GRID2: variants seen among roughly 807,000 people sequenced by gnomAD.
GRID2 encodes glutamate receptor ionotropic, delta-2.
GRID2 carries 33 observed loss-of-function variants against 114.8 expected under a neutral mutation model. That is an observed-to-expected ratio of 0.29 (90% CI 0.22 to 0.38). The LOEUF is 0.38. Ranked by LOEUF, GRID2 falls within the 10% of genes least tolerant of loss-of-function variation. The probability of loss-of-function intolerance (pLI) is 1.00; values close to 1 mark genes in which losing one functional copy is unlikely to be tolerated. For missense variants in GRID2, 1,184 were observed against 1,257.7 expected (o/e 0.94, Z 0.89); for synonymous variants, 505 against 449.9 (o/e 1.12, Z -1.55).
At chr4:93,268,163 G>A (rs1579487839) in intron 8 of GRID2, among the ~76,000 whole-genome samples, 1 of 151,994 alleles carries the variant, frequency 6.6e-6, no homozygotes, top group African/African-American at 2.4e-5. Flanking sequence ...TTCCTTCTTG[G>A]ATAAAAGTTC....
chr4:92,763,888 A>G (rs1035015778), intron 2 of GRID2, among the ~76,000 whole-genome samples: 8 of 152,186 alleles, frequency 5.3e-5, no homozygotes, highest in Admixed American at 1.3e-4. Context: ...CTAAACAAAG[A>G]ACAGATATAA....
At chr4:92,798,793 T>A (rs1268702403) in intron 2 of GRID2, among the ~76,000 whole-genome samples, 1 of 152,014 alleles carries the variant, frequency 6.6e-6, no homozygotes, top group East Asian at 1.9e-4. Context: ...TCTTTTGTAC[T>A]TTTTTTATAA....
chr4:92,654,529 A>C (rs77889319), intron 2 of GRID2, among the ~76,000 whole-genome samples: 4,248 of 152,086 alleles, frequency 0.028, 212 homozygotes, highest in African/African-American at 0.096. Context: ...AGCCAATTTG[A>C]GTCAATAAGA....
At chr4:93,542,688 G>C (rs995230464) in intron 13 of GRID2, among the ~76,000 whole-genome samples, 1 of 152,138 alleles carries the variant, frequency 6.6e-6, no homozygotes, top group Non-Finnish European at 1.5e-5. Context: ...CCTGAGAAGA[G>C]GTGGGTCTGG....
intron 13 of GRID2, among the ~76,000 whole-genome samples, chr4:93,607,728 T>A (rs1318686531): frequency 6.6e-6 from 1 of 152,154 alleles, no homozygotes; most frequent in Non-Finnish European, 1.5e-5. Flanking sequence ...TTAATAGATA[T>A]AAAGCAGTAT....
At chr4:93,442,952 T>C (rs1721757819) in intron 10 of GRID2, among the ~76,000 whole-genome samples, 1 of 152,038 alleles carries the variant, frequency 6.6e-6, no homozygotes, top group Admixed American at 6.6e-5. Context: ...AACCTTTGAG[T>C]TGTCCTTGAA....
At chr4:92,824,725 A>G (rs1378681176) in intron 2 of GRID2, among the ~76,000 whole-genome samples, 2 of 152,088 alleles carry the variant, frequency 1.3e-5, no homozygotes, top group Non-Finnish European at 2.9e-5. Context: ...CTACTCATAA[A>G]CTACTGTATA....
chr4:93,030,138 G>A (rs941734370), intron 2 of GRID2, among the ~76,000 whole-genome samples: 1 of 152,090 alleles, frequency 6.6e-6, no homozygotes, highest in African/African-American at 2.4e-5. Context: ...TTTAAGCTGT[G>A]CCCCAGTGGT....
At chr4:92,444,564 T>C (rs571599384) in intron 1 of GRID2, among the ~76,000 whole-genome samples, 2 of 152,182 alleles carry the variant, frequency 1.3e-5, no homozygotes, top group African/African-American at 4.8e-5. Context: ...TTCACTTCTT[T>C]TGTGATTCTT....
rs188146180 is a variant in GRID2 at position 92,489,631 on chromosome 4, G to A, written c.89-100500G>A. On this transcript the variant is annotated intron_variant, in intron 1 of 15. Coordinates refer to ENST00000282020, the MANE Select transcript of GRID2 (RefSeq NM_001510.4). ...GAGGCCAAGGCGGGTGGATCACCTGGGGTCAGGAGTTCAAGACCAGCCTGG... is the reference window on the plus strand; with the variant it reads ...GAGGCCAAGGCGGGTGGATCACCTGAGGTCAGGAGTTCAAGACCAGCCTGG... Among the ~76,000 whole-genome samples the A allele has an allele frequency of 4.9e-4, 75 of 151,966 alleles. No individual in the cohort carries two copies. In the East Asian group the frequency reaches 0.013, roughly 26 times the overall value.
intron 1 of GRID2, among the ~76,000 whole-genome samples, chr4:92,379,600 T>G (rs187046449): frequency 7.5e-4 from 114 of 152,108 alleles, no homozygotes; most frequent in Admixed American, 2.6e-3. Flanking sequence ...AATCTATTAT[T>G]TTACAAGAAG....
intron 1 of GRID2, among the ~76,000 whole-genome samples, chr4:92,578,721 T>TATCTATCAATCA (rs201601093): frequency 0.24 from 32,632 of 137,762 alleles, 3,585 homozygotes; most frequent in Middle Eastern, 0.31. Context: ...TATCATTATC[T>TATCTATCAATCA]ATCTATCTAT....
intron 2 of GRID2, among the ~76,000 whole-genome samples, chr4:92,763,121 A>C (rs1247582116): frequency 6.6e-6 from 1 of 152,214 alleles, no homozygotes. Flanking sequence ...ACAGGGAAAC[A>C]TCAGCTTTTA....
rs1739976747 is a variant in GRID2, at chr4:92,798,064, A to T, written c.244+207778A>T. On this transcript the variant is annotated intron_variant, in intron 2 of 15. Coordinates refer to ENST00000282020, the MANE Select transcript of GRID2 (RefSeq NM_001510.4). ...GATAACATAGTTTGAAAATTTTTTAAATGTTTCTTTAAAAAAGGGGGGGTT... is the reference window on the plus strand; with the variant it reads ...GATAACATAGTTTGAAAATTTTTTATATGTTTCTTTAAAAAAGGGGGGGTT... 3.3e-5 allele frequency among the ~76,000 whole-genome samples: 5 copies of T among 151,944 alleles called. No individual in the cohort carries two copies. The South Asian group carries it at 1.0e-3, about 31-fold the overall frequency.
In GRID2 at chr4:92,485,301, C is replaced by CAT. The variant is rs34583484; in HGVS notation, c.89-104784_89-104783dup. Among the ~76,000 whole-genome samples the CAT allele has an allele frequency of 7.0e-3, 396 of 56,512 alleles. 1 individual carries two copies. The highest frequency in any genetic ancestry group is 0.029 in the Middle Eastern group (2 of 68). 37.1% of individuals were successfully genotyped at this position (56,512 alleles called of 152,430 possible). On this transcript the variant is annotated intron_variant, in intron 1 of 15. Transcript: ENST00000282020. ...TTATATATAATAAATAAGGTGTGTG[C>CAT]ATATATATATATATATATATATATA...
At chr4:93,130,715 G>T (rs958004239) in intron 4 of GRID2, among the ~76,000 whole-genome samples, 1 of 151,980 alleles carries the variant, frequency 6.6e-6, no homozygotes, top group Admixed American at 6.6e-5. Flanking sequence ...TCATGAGGTC[G>T]AGCTCTTTAT....
chr4:92,683,974 G>A (rs1479508005), intron 2 of GRID2, among the ~76,000 whole-genome samples: 1 of 151,892 alleles, frequency 6.6e-6, no homozygotes, highest in East Asian at 1.9e-4. Flanking sequence ...CAATTAGGCT[G>A]TGATTAACTT....
chr4:92,800,429 G>T (rs1350741028), intron 2 of GRID2, among the ~76,000 whole-genome samples: 2 of 151,932 alleles, frequency 1.3e-5, no homozygotes, highest in Admixed American at 6.6e-5. Context: ...AGGAATCAAG[G>T]TTGTAGATTG....
intron 2 of GRID2, among the ~76,000 whole-genome samples, chr4:92,827,170 A>T (rs1741765349): frequency 6.6e-6 from 1 of 152,064 alleles, no homozygotes; most frequent in Non-Finnish European, 1.5e-5. Context: ...TCAAATACCA[A>T]GGGATTTGCA....
Sources: allele counts gnomAD v4.1 joint callset (sites outside exome capture counted in the v4.1 genomes callset), GRCh38; gene constraint gnomAD v4.1.1; transcripts MANE v1.5; gene names NCBI Gene and HGNC (gene_info 2026-07-23, HGNC 2026-07-21).